Variants in DST observed in about 807,000 individuals in gnomAD.
The protein encoded by DST is dystonin.
A neutral mutation model predicts 875.2 loss-of-function variants in DST; 253 were observed. The observed-to-expected ratio is 0.29, with a 90% CI of 0.26 to 0.32. The LOEUF (loss-of-function observed/expected upper bound fraction) is 0.32, where lower values mean the gene tolerates loss of function less well. Ranked by LOEUF, DST falls within the 10% of genes least tolerant of loss-of-function variation. The pLI, the probability that DST is intolerant of heterozygous loss-of-function variation, is 1.00. For synonymous variants in DST, 3,124 were observed against 3,197.1 expected, an observed-to-expected ratio of 0.98 and a Z score of 0.77; for missense variants, 8,287 against 9,111.6, an observed-to-expected ratio of 0.91 and a Z score of 3.68.
intron 36 of DST, among the ~76,000 whole-genome samples, chr6:56,622,118 TA>T (rs2098695114): frequency 6.6e-6 from 1 of 152,230 alleles, no homozygotes; most frequent in East Asian, 1.9e-4. Flanking sequence ...AGGTTATTTC[TA>T]AGACAGTCTC....
At chr6:56,576,102 T>C (rs1454153551) in intron 50 of DST, among the ~76,000 whole-genome samples, 1 of 152,140 alleles carries the variant, frequency 6.6e-6, no homozygotes, top group African/African-American at 2.4e-5. Flanking sequence ...GCTTATGTAA[T>C]GAAGCTGCCA....
In DST at chr6:56,503,060, C is replaced by T. The variant is rs73749942; in HGVS notation, c.19566+937G>A. 3.2e-3 allele frequency among the ~76,000 whole-genome samples: 485 copies of T among 152,122 alleles called. 3 individuals are homozygous for T. Among genetic ancestry groups the T allele is most frequent in the African/African-American group, 0.011 (466 of 41,546 alleles). ...GAGAACAGCAATGGAAAACAACAAA[C>T]ATTTACAAAACAAACCTTTTGGGAA... On this transcript the variant is annotated intron_variant, in intron 78 of 103. Transcript: ENST00000680361.
intron 86 of DST, among the ~76,000 whole-genome samples, chr6:56,487,852 C>G (rs2095615594): frequency 6.6e-6 from 1 of 152,152 alleles, no homozygotes; most frequent in Non-Finnish European, 1.5e-5. Flanking sequence ...AGCTTACAAA[C>G]TCACAAAATA....
Position 56,640,056 on chromosome 6 carries a change from A to G in DST, c.2492T>C (p.Val831Ala). 4.3e-6 allele frequency: 7 copies of G among 1,614,108 alleles called. No individual in the cohort carries two copies. Among genetic ancestry groups the G allele is most frequent in the Non-Finnish European group, 5.9e-6 (7 of 1,179,986 alleles). Residue 831 changes from valine (V) to alanine (A), a missense_variant and splice_region_variant, in exon 19 of 104, where the codon GTA (valine) becomes GCA (alanine). Val to Ala is a moderately conservative substitution (Grantham distance 64). Transcript: ENST00000680361. ...DLLNWVDEMQ[V>A]QLDRTEWGSD... ...GCCCCACTCAGTGCGGTCCAGTTGT[A>G]CCTTCAGACAGTAAAATACTAAGTT...
chr6:56,497,231 TG>T (rs1409814330), intron 82 of DST, 147 bp downstream of exon 82: 8 of 708,748 alleles, frequency 1.1e-5, no homozygotes, highest in Non-Finnish European at 1.7e-5. Flanking sequence ...AATCAATAAA[TG>T]GTGTGTTTCT....
intron 9 of DST, among the ~76,000 whole-genome samples, chr6:56,682,486 C>T (rs1018274201): frequency 2.0e-5 from 3 of 152,222 alleles, no homozygotes; most frequent in African/African-American, 7.2e-5. Context: ...GTCATTACCT[C>T]TACTCTTACA....
At chr6:56,549,844 A>T (rs57822928) in intron 61 of DST, among the ~76,000 whole-genome samples, 5,806 of 152,302 alleles carry the variant, frequency 0.038, 138 homozygotes, top group African/African-American at 0.053. Flanking sequence ...AGAAAATACC[A>T]GATGTGAAAC....
rs1475347767 is a variant in DST at position 56,605,418 on chromosome 6, A to G, written c.9210T>C (p.Asn3070=). 1 of 1,612,742 alleles carries G rather than the reference A, an allele frequency of 6.2e-7. No homozygotes were observed. The highest frequency in any genetic ancestry group is 2.2e-5 in the East Asian group (1 of 44,852). Residue 3070 remains asparagine, a synonymous_variant, in exon 40 of 104, where the codon AAT becomes AAC. Transcript: ENST00000680361. ...VLVEGLVEEE[N]RHLKLLPGKN... ...TACCAGGCAAAAGTTTGAGATGCCT[A>G]TTTTCTTCTTCTACTAGACCTTCTA...
Position 56,701,981 on chromosome 6 carries a change from T to C in DST, c.877-16A>G, listed in dbSNP as rs1042891187. On this transcript the variant is annotated splice_polypyrimidine_tract_variant and intron_variant, in intron 7 of 103. Transcript: ENST00000680361. Reference sequence around the variant, plus strand: ...TTTCTCTGGGCTAAGAACAGAAAAATGCAGGTATGAAAAAGAGTTTCTGTT... The same window carrying C: ...TTTCTCTGGGCTAAGAACAGAAAAACGCAGGTATGAAAAAGAGTTTCTGTT... 1.3e-6 allele frequency: 2 copies of C among 1,549,990 alleles called. No homozygotes were observed. Among genetic ancestry groups the C allele is most frequent in the Non-Finnish European group, 1.8e-6 (2 of 1,124,824 alleles).
intron 90 of DST, among the ~76,000 whole-genome samples, chr6:56,481,459 C>T (rs1425681305): frequency 2.6e-5 from 4 of 152,136 alleles, no homozygotes; most frequent in Non-Finnish European, 5.9e-5. Context: ...CAGATTTAGA[C>T]TTGGTTAGTT....
chr6:56,648,824 T>C, intron 12 of DST, 135 bp from the exon 13 acceptor site: 1 of 743,308 alleles, frequency 1.3e-6, no homozygotes, highest in South Asian at 2.1e-5. Context: ...AATGTTTTCT[T>C]ACTTTCACCC....
At chr6:56,916,805 C>CACAA (rs1801337490) in intron 2 of DST, among the ~76,000 whole-genome samples, 1 of 148,482 alleles carries the variant, frequency 6.7e-6, no homozygotes, top group East Asian at 2.0e-4. Context: ...CACACACACA[C>CACAA]ACACACACAC....
intron 10 of DST, among the ~76,000 whole-genome samples, chr6:56,651,897 C>T (rs2098977931): frequency 6.6e-6 from 1 of 152,178 alleles, no homozygotes; most frequent in African/African-American, 2.4e-5. Context: ...CCCAAACCGT[C>T]AACTCCAAGA....
intron 2 of DST, among the ~76,000 whole-genome samples, chr6:56,920,810 C>A (rs56099914): frequency 5.4e-4 from 80 of 149,234 alleles, no homozygotes; most frequent in African/African-American, 2.0e-3. Context: ...CTCACTGCAG[C>A]CTCGACCTCC....
chr6:56,481,628 T>C (rs1350052274), intron 90 of DST, among the ~76,000 whole-genome samples: 1 of 152,258 alleles, frequency 6.6e-6, no homozygotes, highest in Non-Finnish European at 1.5e-5. Flanking sequence ...CCTGTGTGTC[T>C]TGTTTACAAA....
intron 28 of DST, 86 bp from the exon 29 acceptor site, chr6:56,632,126 T>TAAA: frequency 2.0e-6 from 2 of 1,006,332 alleles, no homozygotes. Flanking sequence ...AATTTTATAT[T>TAAA]ACTGGGACAC....
At chr6:56,635,781 T>TCCAATA in intron 23 of DST, 67 bp from the exon 24 acceptor site, 1 of 1,558,570 alleles carries the variant, frequency 6.4e-7, no homozygotes, top group East Asian at 2.2e-5. Context: ...GTTGTCACAC[T>TCCAATA]CCAATACCAA....
At chr6:56,809,420 C>T (rs959809678) in intron 4 of DST, among the ~76,000 whole-genome samples, 2 of 152,140 alleles carry the variant, frequency 1.3e-5, no homozygotes, top group Non-Finnish European at 2.9e-5. Context: ...ATTAAACAAT[C>T]TTATTTCACA....
chr6:56,920,085 C>T (rs935154738), intron 2 of DST, among the ~76,000 whole-genome samples: 1 of 152,198 alleles, frequency 6.6e-6, no homozygotes, highest in Non-Finnish European at 1.5e-5. Flanking sequence ...ACTGTTTACA[C>T]TGCATTGCAA....
Sources: gnomAD v4.1 joint callset for allele counts (sites outside exome capture counted in the v4.1 genomes callset) on GRCh38, gnomAD v4.1.1 for gene constraint, MANE v1.5 for transcripts, NCBI Gene and HGNC (gene_info 2026-07-23, HGNC 2026-07-21) for gene names.